Variants in GPSM1 observed in about 807,000 individuals in gnomAD.
GPSM1 encodes G protein-signaling modulator 1.
In GPSM1, 48 loss-of-function variants were observed where a neutral mutation model predicts 70.5. That is an observed-to-expected ratio of 0.68 (90% confidence interval 0.54 to 0.87). The LOEUF (loss-of-function observed/expected upper bound fraction) is 0.87, where lower values mean the gene tolerates loss of function less well. Ranked by LOEUF, GPSM1 falls within the 40% of genes least tolerant of loss-of-function variation. The probability of loss-of-function intolerance (pLI) is 0.00; values close to 1 mark genes in which losing one functional copy is unlikely to be tolerated. For missense variants in GPSM1, 981 were observed against 972.6 expected (o/e 1.01, Z -0.11); for synonymous variants, 416 against 430.1 (o/e 0.97, Z 0.41).
chr9:136,351,221 G>C (rs1832654168), intron 11 of GPSM1, among the ~76,000 whole-genome samples: 1 of 152,096 alleles, frequency 6.6e-6, no homozygotes, highest in African/African-American at 2.4e-5. Context: ...CCCCAGCACT[G>C]CCCAACCATC....
intron 11 of GPSM1, among the ~76,000 whole-genome samples, chr9:136,350,121 C>G (rs1468842430): frequency 1.3e-5 from 2 of 152,170 alleles, no homozygotes; most frequent in African/African-American, 2.4e-5. Context: ...TGGCCTCTCT[C>G]TCTGACTCCA....
Position 136,358,587 on chromosome 9 carries a change from A to C in GPSM1, c.*367A>C. The C allele has an allele frequency of 2.7e-6, 1 of 365,586 alleles. No individual in the cohort carries two copies. The highest frequency in any genetic ancestry group is 2.2e-5 in the African/African-American group (1 of 45,326). 22.6% of individuals were successfully genotyped at this position (365,586 alleles called of 1,614,324 possible). On this transcript the variant is annotated 3_prime_UTR_variant, in exon 14 of 14. Transcript: ENST00000440944. ...CTGCTGTCTCCCCCACCCTCCCCAA[A>C]GGTGTCTCTGAGCCGCCTCTTGGGG...
At chr9:136,350,530 C>CG (rs1554771906) in intron 11 of GPSM1, among the ~76,000 whole-genome samples, 2 of 152,134 alleles carry the variant, frequency 1.3e-5, no homozygotes. Flanking sequence ...GTGCAGGGGC[C>CG]GGGGCAGGAC....
chr9:136,354,815 G>A, intron 11 of GPSM1: 1 of 992,130 alleles, frequency 1.0e-6, no homozygotes, highest in Non-Finnish European at 1.2e-6. Context: ...GGGCTGTGTA[G>A]GGCATGGACA....
intron 13 of GPSM1, among the ~76,000 whole-genome samples, chr9:136,357,459 G>A (rs1470627630): frequency 5.3e-5 from 8 of 152,236 alleles, no homozygotes; most frequent in Admixed American, 2.0e-4. Context: ...TGCTCCAGGC[G>A]CTTCAGAGAA....
chr9:136,347,345 C>T (rs569908997), intron 9 of GPSM1, among the ~76,000 whole-genome samples: 51 of 152,158 alleles, frequency 3.4e-4, no homozygotes, highest in Non-Finnish European at 7.1e-4. Context: ...GCGCAGGGCT[C>T]CTGGGCACAG....
chr9:136,332,055 G>C (rs1206511078), intron 1 of GPSM1: 1 of 398,966 alleles, frequency 2.5e-6, no homozygotes, highest in Non-Finnish European at 4.4e-6. Flanking sequence ...GAGCTTGGCG[G>C]AGAAGGCCGT....
chr9:136,354,723 G>C (rs1832766461), intron 11 of GPSM1: 1 of 713,268 alleles, frequency 1.4e-6, no homozygotes, highest in Non-Finnish European at 1.7e-6. Context: ...ACGCCCTCCA[G>C]CCTCCCTTGT....
At chr9:136,332,472 C>T (rs903901889) in intron 1 of GPSM1, among the ~76,000 whole-genome samples, 7 of 152,242 alleles carry the variant, frequency 4.6e-5, no homozygotes, top group Admixed American at 3.3e-4. Context: ...GGAGCAGCAG[C>T]GTCTGGGCTC....
intron 1 of GPSM1, among the ~76,000 whole-genome samples, chr9:136,330,091 G>A (rs1832067528): frequency 6.6e-6 from 1 of 152,150 alleles, no homozygotes; most frequent in Admixed American, 6.5e-5. Flanking sequence ...GCTTTGGGGT[G>A]AAGAGGCCTG....
chr9:136,352,842 C>CGG (rs1216058847), intron 11 of GPSM1, among the ~76,000 whole-genome samples: 1 of 152,204 alleles, frequency 6.6e-6, no homozygotes, highest in Non-Finnish European at 1.5e-5. Flanking sequence ...CCCACAGGCA[C>CGG]GGGGAGGGGG....
intron 1 of GPSM1, among the ~76,000 whole-genome samples, chr9:136,331,581 C>T (rs192016395): frequency 2.6e-5 from 4 of 152,272 alleles, no homozygotes; most frequent in Admixed American, 2.0e-4. Flanking sequence ...ACACTCTGGA[C>T]GCCATTCCTC....
At position 136,358,505 on chromosome 9, in the gene GPSM1, C is replaced by G. The variant is rs1832909036; in HGVS notation, c.*285C>G. On this transcript the variant is annotated 3_prime_UTR_variant, in exon 14 of 14. Transcript: ENST00000440944. Reference sequence around the variant, plus strand: ...GCCCCGACCTGGTGCTGTCAGACTCCCGCATCCTCTCCCCCAAGCCCTTCC... The same window carrying G: ...GCCCCGACCTGGTGCTGTCAGACTCGCGCATCCTCTCCCCCAAGCCCTTCC... The G allele has an allele frequency of 5.6e-5, 30 of 538,498 alleles. No homozygotes were observed. In the South Asian group the frequency reaches 7.0e-4, roughly 13 times the overall value. The allele number at this position is 538,498 out of a possible 1,614,324, so 33.4% of individuals were successfully genotyped here.
chr9:136,357,836 G>C (rs1246831107), intron 13 of GPSM1, among the ~76,000 whole-genome samples, 178 bp from the exon 14 acceptor site: 1 of 152,224 alleles, frequency 6.6e-6, no homozygotes, highest in Non-Finnish European at 1.5e-5. Context: ...ACTGCGCTCA[G>C]GGCCCGGGCT....
intron 5 of GPSM1, 43 bp from the exon 6 acceptor site, chr9:136,337,803 G>C (rs550853033): frequency 1.4e-6 from 2 of 1,478,358 alleles, no homozygotes; most frequent in South Asian, 1.1e-5. Context: ...GTCAGGCCCC[G>C]GGGCTGCGCC....
chr9:136,328,029 C>T (rs1040903061), intron 1 of GPSM1, among the ~76,000 whole-genome samples: 1 of 152,146 alleles, frequency 6.6e-6, no homozygotes, highest in Non-Finnish European at 1.5e-5. Context: ...CAGCCTCACT[C>T]CCCTGGCACC....
intron 1 of GPSM1, among the ~76,000 whole-genome samples, chr9:136,330,190 G>A (rs1402645583): frequency 6.6e-6 from 1 of 152,154 alleles, no homozygotes; most frequent in Admixed American, 6.5e-5. Flanking sequence ...TTTAAGGCCA[G>A]CTGAGTGCTC....
intron 5 of GPSM1, 121 bp downstream of exon 5, chr9:136,337,685 C>T (rs562614468): frequency 3.8e-5 from 40 of 1,041,548 alleles, no homozygotes; most frequent in South Asian, 2.5e-4. Flanking sequence ...CCCGCCCCAC[C>T]GAGTCCTGGC....
rs1832284422 is a variant in GPSM1 at position 136,337,838 on chromosome 9, C to T, written c.703-8C>T. On this transcript the variant is annotated splice_polypyrimidine_tract_variant and splice_region_variant and intron_variant, in intron 5 of 13. Coordinates refer to ENST00000440944, the MANE Select transcript of GPSM1 (RefSeq NM_001145638.3). ...CATGACCACCTGGCCTCCGGTGTGT[C>T]TCCGCAGCGCCTGGCCATTGCTAAG... The T allele has an allele frequency of 4.4e-6, 7 of 1,601,652 alleles. No individual in the cohort carries two copies. The highest frequency in any genetic ancestry group is 5.1e-6 in the Non-Finnish European group (6 of 1,170,068).
Sources: gnomAD v4.1 joint callset for allele counts (sites outside exome capture counted in the v4.1 genomes callset) on GRCh38, gnomAD v4.1.1 for gene constraint, MANE v1.5 for transcripts, NCBI Gene and HGNC (gene_info 2026-07-23, HGNC 2026-07-21) for gene names.